The following LHX8 variants were observed in gnomAD, a reference collection of about 807,000 sequenced individuals.
LHX8 encodes the protein LIM/homeobox protein Lhx8.
LHX8 carries 12 observed loss-of-function variants against 40.3 expected under a neutral mutation model. The ratio of observed to expected loss-of-function variants is 0.30; its 90% CI spans 0.19 to 0.48. The LOEUF (loss-of-function observed/expected upper bound fraction) is 0.48. Among genes scored for constraint, LHX8 ranks in the 20% least tolerant of loss-of-function variants. LHX8 has a pLI of 0.99. For synonymous variants in LHX8, 179 were observed against 162.0 expected, an observed-to-expected ratio of 1.10 and a Z score of -0.80; for missense variants, 344 against 433.7, an observed-to-expected ratio of 0.79 and a Z score of 1.84.
intron 8 of LHX8, 23 bp from the exon 9 acceptor site, chr1:75,160,796 A>G: frequency 5.1e-6 from 8 of 1,565,484 alleles, no homozygotes; most frequent in Middle Eastern, 1.7e-4. Context: ...AAACTGATCC[A>G]CAAATTTCTT....
At chr1:75,192,100 A>T in the LHX8 span, among the ~76,000 whole-genome samples, 1 of 152,208 alleles carries the variant, frequency 6.6e-6, no homozygotes, top group Non-Finnish European at 1.5e-5. Flanking sequence ...GAATATCACT[A>T]CCTATTTCAT....
intron 7 of LHX8, among the ~76,000 whole-genome samples, chr1:75,150,751 A>T (rs1358091472): frequency 4.2e-5 from 6 of 143,788 alleles, no homozygotes; most frequent in Non-Finnish European, 9.1e-5. Flanking sequence ...ATCTCGGCTC[A>T]CTGGAACCTC....
chr1:75,143,364 A>C (rs12041465), intron 5 of LHX8, 26 bp downstream of exon 5: 346,462 of 1,544,714 alleles, frequency 0.22, 48,488 homozygotes, highest in East Asian at 0.79. Context: ...AATACTTTTG[A>C]GTCTTTTGAG....
At chr1:75,140,286 T>C (rs955369400) in intron 3 of LHX8, among the ~76,000 whole-genome samples, 5 of 152,184 alleles carry the variant, frequency 3.3e-5, no homozygotes, top group African/African-American at 1.2e-4. Context: ...GCTTGAGTGC[T>C]TTTTTAGAAC....
In LHX8 at chr1:75,136,495, A is replaced by G; in HGVS notation, c.-12-108A>G. ...GTGACGGCTGCACGCGCTGCCCCGC[A>G]CTCTGAGGGCCTTCATTAGCTCGCT... On this transcript the variant is annotated intron_variant, in intron 1 of 8. Transcript: ENST00000356261. 1.1e-5 allele frequency: 9 copies of G among 842,474 alleles called. No homozygotes were observed. The South Asian group carries it at 1.3e-4, about 12-fold the overall frequency. The allele number at this position is 842,474 out of a possible 1,614,324, so 52.2% of individuals were successfully genotyped here. A position where few individuals can be genotyped will look rare whatever the true frequency, so the allele number is the denominator to read the frequency against.
At chr1:75,128,949 T>C (rs1647894405) in intron 1 of LHX8, among the ~76,000 whole-genome samples, 1 of 152,174 alleles carries the variant, frequency 6.6e-6, no homozygotes, top group African/African-American at 2.4e-5. Flanking sequence ...AGTGGTCAAC[T>C]CGCTGAAGAA....
At chr1:75,173,478 G>A in the LHX8 span, among the ~76,000 whole-genome samples, 3 of 148,520 alleles carry the variant, frequency 2.0e-5, no homozygotes, top group Admixed American at 2.1e-4. Context: ...CCACCTCCGG[G>A]TTCACGCCAT....
rs780025336 is a variant in LHX8 at position 75,143,827 on chromosome 1, T to C, written c.581-18T>C. ...CCATTTGAATTACCAACATATATAG[T>C]GTGTTTTTTAAATGCAGGGAATGGG... On this transcript the variant is annotated intron_variant, in intron 5 of 8. Coordinates refer to ENST00000356261, the MANE Select transcript of LHX8 (RefSeq NM_001256114.2). The C allele has an allele frequency of 6.4e-7, 1 of 1,566,920 alleles. No individual in the cohort carries two copies. Among genetic ancestry groups the C allele is most frequent in the South Asian group, 1.1e-5 (1 of 90,184 alleles).
chr1:75,192,390 T>C, the LHX8 span, among the ~76,000 whole-genome samples: 1 of 152,174 alleles, frequency 6.6e-6, no homozygotes, highest in Non-Finnish European at 1.5e-5. Context: ...TAGCCATATC[T>C]CCTTGAACCC....
chr1:75,136,800 GCAGA>G, intron 2 of LHX8, 111 bp downstream of exon 2: 4 of 562,028 alleles, frequency 7.1e-6, no homozygotes, highest in East Asian at 5.4e-5. Flanking sequence ...CCCTCCTGCA[GCAGA>G]CAGAGGACGG....
At chr1:75,170,773 G>T in the LHX8 span, among the ~76,000 whole-genome samples, 1 of 152,094 alleles carries the variant, frequency 6.6e-6, no homozygotes, top group Non-Finnish European at 1.5e-5. Context: ...TGCAGCAGAT[G>T]GTCAGAGATC....
chr1:75,164,277 A>G (rs541490522), downstream of LHX8, among the ~76,000 whole-genome samples: 13 of 152,292 alleles, frequency 8.5e-5, no homozygotes, highest in South Asian at 8.3e-4. Context: ...TTTTACAAAC[A>G]TAGAAATTAA....
At chr1:75,181,728 A>C in the LHX8 span, among the ~76,000 whole-genome samples, 1 of 152,172 alleles carries the variant, frequency 6.6e-6, no homozygotes, top group South Asian at 2.1e-4. Flanking sequence ...AGTCCCAATG[A>C]GATGAACCAA....
At chr1:75,196,423 C>A in the LHX8 span, among the ~76,000 whole-genome samples, 11 of 152,104 alleles carry the variant, frequency 7.2e-5, no homozygotes, top group Non-Finnish European at 1.5e-4. Context: ...AGCTTGAAAG[C>A]AATACACATG....
chr1:75,162,656 G>C (rs1044911447), downstream of LHX8, among the ~76,000 whole-genome samples: 5 of 152,098 alleles, frequency 3.3e-5, no homozygotes, highest in African/African-American at 1.2e-4. Flanking sequence ...TAACAAAGAG[G>C]CTCAAAGCTA....
intron 4 of LHX8, among the ~76,000 whole-genome samples, chr1:75,141,900 G>A (rs1648323037): frequency 6.6e-6 from 1 of 151,926 alleles, no homozygotes; most frequent in South Asian, 2.1e-4. Flanking sequence ...TACTAATTTT[G>A]TACTCCATTT....
the LHX8 span, among the ~76,000 whole-genome samples, chr1:75,166,710 A>G: frequency 8.5e-5 from 13 of 152,346 alleles, no homozygotes; most frequent in South Asian, 6.2e-4. Flanking sequence ...TGACAATGGT[A>G]AAAACATGTC....
chr1:75,186,041 A>G, the LHX8 span, among the ~76,000 whole-genome samples: 1 of 152,228 alleles, frequency 6.6e-6, no homozygotes, highest in Non-Finnish European at 1.5e-5. Context: ...CAAAGAAATC[A>G]GAGATGACAC....
intron 3 of LHX8, among the ~76,000 whole-genome samples, chr1:75,139,282 C>T (rs1197956280): frequency 2.0e-5 from 3 of 152,068 alleles, no homozygotes; most frequent in African/African-American, 7.2e-5. Flanking sequence ...GGTTTATAGT[C>T]TCCAGAATCT....
Sources: gnomAD v4.1 joint callset for allele counts (sites outside exome capture counted in the v4.1 genomes callset) on GRCh38, gnomAD v4.1.1 for gene constraint, MANE v1.5 for transcripts, NCBI Gene and HGNC (gene_info 2026-07-23, HGNC 2026-07-21) for gene names.